The following WARS2 variants were observed in gnomAD, a reference collection of about 807,000 sequenced individuals.
WARS2 encodes tryptophanyl tRNA synthetase 2, mitochondrial.
In WARS2, 28 loss-of-function variants were observed where a neutral mutation model predicts 36.5. That is an observed-to-expected ratio of 0.77 (90% CI 0.57 to 1.05). The LOEUF (loss-of-function observed/expected upper bound fraction) is 1.05, where lower values mean the gene tolerates loss of function less well. WARS2 is among the 50% of genes least tolerant of loss of function. The pLI, the probability that WARS2 is intolerant of heterozygous loss-of-function variation, is 0.00. For missense variants in WARS2, 435 were observed against 456.8 expected, an observed-to-expected ratio of 0.95 and a Z score of 0.44; for synonymous variants, 174 against 178.4, an observed-to-expected ratio of 0.98 and a Z score of 0.20.
chr1:119,133,864 T>G (rs1385401329), intron 1 of WARS2, among the ~76,000 whole-genome samples: 1 of 152,112 alleles, frequency 6.6e-6, no homozygotes. Context: ...GAAGGCACAA[T>G]AAAAGTTTAA....
At chr1:119,083,397 C>T (rs963404058) in intron 1 of WARS2, among the ~76,000 whole-genome samples, 1 of 152,168 alleles carries the variant, frequency 6.6e-6, no homozygotes, top group Admixed American at 6.5e-5. Context: ...AAGGCTGGTG[C>T]CTCGCTCTTG....
chr1:119,032,850 C>T lies in WARS2; in HGVS notation c.*61G>A. The T allele has an allele frequency of 6.8e-7, 1 of 1,462,286 alleles. No homozygotes were observed. The highest frequency in any genetic ancestry group is 9.3e-7 in the Non-Finnish European group (1 of 1,078,578). The allele number at this position is 1,462,286 out of a possible 1,614,324, so 90.6% of individuals were successfully genotyped here. On this transcript the variant is annotated 3_prime_UTR_variant, in exon 6 of 6. Coordinates refer to ENST00000235521, the MANE Select transcript of WARS2 (RefSeq NM_015836.4). ...TAACTTTTTCTTTTTAGGAAAGCTG[C>T]CGTTATCAGAATGCATGGAGTGCAA...
chr1:119,086,130 G>A (rs1295217055), intron 1 of WARS2, among the ~76,000 whole-genome samples: 6 of 152,198 alleles, frequency 3.9e-5, no homozygotes, highest in African/African-American at 1.2e-4. Flanking sequence ...AAAGTTCTGG[G>A]ATGACAGGTG....
At position 119,031,590 on chromosome 1, in the gene WARS2, T is replaced by C. The variant is rs1026731724; in HGVS notation, c.*1321A>G. 9 of 152,224 alleles carry C rather than the reference T, an allele frequency of 5.9e-5. No homozygotes were observed. The highest frequency in any genetic ancestry group is 1.3e-4 in the Non-Finnish European group (9 of 68,034). 9.4% of individuals were successfully genotyped at this position (152,224 alleles called of 1,614,324 possible). ...ATGGTCCTTACTGATAAAAAACTTA[T>C]AAGCAATTTCTGTTACAAAATCGAT... is the stretch of plus-strand genomic sequence containing the variant. On this transcript the variant is annotated 3_prime_UTR_variant, in exon 6 of 6. Transcript: ENST00000235521.
chr1:119,084,475 G>A (rs886562258), intron 1 of WARS2, among the ~76,000 whole-genome samples: 1 of 151,982 alleles, frequency 6.6e-6, no homozygotes, highest in African/African-American at 2.4e-5. Context: ...TAATAAATAC[G>A]TTGCAAGGAA....
At chr1:119,058,772 T>C (rs1278397142) in intron 2 of WARS2, among the ~76,000 whole-genome samples, 1 of 129,308 alleles carries the variant, frequency 7.7e-6, no homozygotes, top group Non-Finnish European at 1.6e-5. Flanking sequence ...TAAACATACG[T>C]GTACATGTGT....
intron 1 of WARS2, among the ~76,000 whole-genome samples, chr1:119,122,673 G>C (rs587621202): frequency 8.0e-4 from 121 of 152,198 alleles, no homozygotes; most frequent in African/African-American, 2.9e-3. Context: ...GGTAAAGAAA[G>C]TGTGGCATAT....
chr1:119,084,578 G>C (rs1219868965), intron 1 of WARS2, among the ~76,000 whole-genome samples: 1 of 152,186 alleles, frequency 6.6e-6, no homozygotes, highest in Non-Finnish European at 1.5e-5. Flanking sequence ...TGGGCATGGA[G>C]CTGGTTGATC....
chr1:119,106,705 T>C lies in WARS2; in HGVS notation c.91-30098A>G, dbSNP rs1387796282. On this transcript the variant is annotated intron_variant, in intron 1 of 5. Coordinates refer to ENST00000235521, the MANE Select transcript of WARS2 (RefSeq NM_015836.4). ...TCTGGATGTACCACAGTTTATCCAT[T>C]CACCTACTAAAAGACATCTTGGATA... 2.0e-5 allele frequency among the ~76,000 whole-genome samples: 3 copies of C among 152,346 alleles called. No individual in the cohort carries two copies. The South Asian group carries it at 6.2e-4, about 32-fold the overall frequency.
intron 1 of WARS2, among the ~76,000 whole-genome samples, chr1:119,100,628 T>C (rs1041907994): frequency 1.3e-5 from 2 of 152,020 alleles, no homozygotes; most frequent in Non-Finnish European, 2.9e-5. Context: ...TAAAATAAAA[T>C]CCTTTCATTT....
intron 2 of WARS2, among the ~76,000 whole-genome samples, chr1:119,055,446 C>T (rs889780226): frequency 1.3e-5 from 2 of 152,042 alleles, no homozygotes; most frequent in Non-Finnish European, 2.9e-5. Flanking sequence ...AACCCCATCT[C>T]TACTAAAAAT....
chr1:119,107,573 C>T (rs750490040), intron 1 of WARS2, among the ~76,000 whole-genome samples: 4 of 151,946 alleles, frequency 2.6e-5, no homozygotes, highest in African/African-American at 4.8e-5. Flanking sequence ...AATATATATA[C>T]AGTCAACTGA....
chr1:119,052,350 A>T lies in WARS2; in HGVS notation c.349-6688T>A, dbSNP rs920603231. Reference sequence around the variant, plus strand: ...AGACTATTTAGACTCAGAAATTCTCATTTATTGCTTCCTCTTGGAAACTAG... The same window carrying T: ...AGACTATTTAGACTCAGAAATTCTCTTTTATTGCTTCCTCTTGGAAACTAG... On this transcript the variant is annotated intron_variant, in intron 2 of 5. Transcript: ENST00000235521. Among the ~76,000 whole-genome samples, 5 of 152,286 alleles carry T rather than the reference A, an allele frequency of 3.3e-5. No individual in the cohort carries two copies. In the South Asian group the frequency reaches 6.2e-4, roughly 19 times the overall value.
chr1:119,086,080 A>C, intron 1 of WARS2: 3 of 1,039,888 alleles, frequency 2.9e-6, no homozygotes, highest in Middle Eastern at 3.2e-4. Flanking sequence ...GATTGGTCTC[A>C]AACTCCTAGC....
intron 1 of WARS2, among the ~76,000 whole-genome samples, chr1:119,110,346 T>C (rs1451858276): frequency 6.6e-6 from 1 of 152,088 alleles, no homozygotes; most frequent in Non-Finnish European, 1.5e-5. Context: ...TAAATCTTTG[T>C]TTGTCTAAGA....
At chr1:119,109,978 C>A (rs12408286) in intron 1 of WARS2, among the ~76,000 whole-genome samples, 1 of 151,656 alleles carries the variant, frequency 6.6e-6, no homozygotes, top group Non-Finnish European at 1.5e-5. Flanking sequence ...TGAAATAACA[C>A]CTACTGCTTC....
At chr1:119,075,152 G>A (rs1303267755) in intron 2 of WARS2, among the ~76,000 whole-genome samples, 1 of 140,614 alleles carries the variant, frequency 7.1e-6, no homozygotes, top group Non-Finnish European at 1.5e-5. Flanking sequence ...TAAAAAATTA[G>A]TGTATATATA....
chr1:119,058,808 T>C (rs1425515047), intron 2 of WARS2, among the ~76,000 whole-genome samples: 3 of 142,896 alleles, frequency 2.1e-5, no homozygotes, highest in Non-Finnish European at 3.0e-5. Context: ...ATTTATAGTC[T>C]TTTGGGTATA....
intron 3 of WARS2, among the ~76,000 whole-genome samples, chr1:119,044,486 T>C (rs1221369829): frequency 1.3e-5 from 2 of 152,198 alleles, no homozygotes; most frequent in African/African-American, 2.4e-5. Context: ...TGGCAAGTAA[T>C]GAATCTGCAG....
Sources: allele counts gnomAD v4.1 joint callset (sites outside exome capture counted in the v4.1 genomes callset), GRCh38; gene constraint gnomAD v4.1.1; transcripts MANE v1.5; gene names NCBI Gene and HGNC (gene_info 2026-07-23, HGNC 2026-07-21).